The following PTPRB variants were observed in gnomAD, a reference collection of about 807,000 sequenced individuals.
PTPRB encodes the protein protein tyrosine phosphatase receptor type B.
A neutral mutation model predicts 238.1 loss-of-function variants in PTPRB; 97 were observed. The ratio of observed to expected loss-of-function variants is 0.41; its 90% confidence interval spans 0.35 to 0.48. The LOEUF is 0.48. PTPRB is among the 20% of genes least tolerant of loss of function. The probability of loss-of-function intolerance (pLI) is 0.30; values close to 1 mark genes in which losing one functional copy is unlikely to be tolerated. For missense variants in PTPRB, 2,292 were observed against 2,681.9 expected, an observed-to-expected ratio of 0.85 and a Z score of 3.21; for synonymous variants, 970 against 995.4, an observed-to-expected ratio of 0.97 and a Z score of 0.48.
chr12:70,534,360 C>G (rs1017689882), intron 31 of PTPRB, 128 bp downstream of exon 31: 1 of 1,004,098 alleles, frequency 1.0e-6, no homozygotes, highest in Admixed American at 2.7e-5. Flanking sequence ...CCTCTGGGGG[C>G]GAGGCAGGCT....
intron 21 of PTPRB, among the ~76,000 whole-genome samples, chr12:70,547,769 A>G (rs1876237225): frequency 6.6e-6 from 1 of 151,956 alleles, no homozygotes; most frequent in Non-Finnish European, 1.5e-5. Flanking sequence ...GGCCTCCCAA[A>G]GTGCTCGGAT....
chr12:70,539,342 C>G, intron 26 of PTPRB: 1 of 545,478 alleles, frequency 1.8e-6, no homozygotes. Flanking sequence ...GGCTGAATAT[C>G]TGACAGCTTT....
chr12:70,524,089 C>T (rs1488881790), intron 33 of PTPRB, among the ~76,000 whole-genome samples: 4 of 151,768 alleles, frequency 2.6e-5, no homozygotes, highest in South Asian at 4.2e-4. Context: ...TGAGCCACTG[C>T]ACTCAGCTAG....
intron 15 of PTPRB, 105 bp downstream of exon 15, chr12:70,566,324 AAGAGAT>A (rs1879292316): frequency 7.5e-7 from 1 of 1,336,410 alleles, no homozygotes; most frequent in African/African-American, 1.5e-5. Context: ...CCAGCGTATC[AAGAGAT>A]AGATATCATC....
chr12:70,606,799 G>A (rs138940846), intron 4 of PTPRB, among the ~76,000 whole-genome samples: 5 of 152,094 alleles, frequency 3.3e-5, no homozygotes, highest in East Asian at 1.9e-4. Context: ...AATAACAACC[G>A]ACTAAAAAAT....
chr12:70,528,762 C>T (rs1320468151), intron 32 of PTPRB, among the ~76,000 whole-genome samples: 7 of 152,160 alleles, frequency 4.6e-5, no homozygotes, highest in Admixed American at 4.6e-4. Flanking sequence ...AGTTTGAGTC[C>T]AGTCTGGGCA....
rs1030148410 is a variant in PTPRB at position 70,516,394 on chromosome 12, A to G, written c.*5095T>C. Reference sequence around the variant, plus strand: ...TGTTCTTGAGGAATTTATAAGCCCAATAGTCCTGCATAGAAAACCAGAAAT... The same window carrying G: ...TGTTCTTGAGGAATTTATAAGCCCAGTAGTCCTGCATAGAAAACCAGAAAT... On this transcript the variant is annotated 3_prime_UTR_variant, in exon 34 of 34. Transcript: ENST00000334414. 6.6e-6 allele frequency: 1 copy of G among 152,220 alleles called. No homozygotes were observed. The highest frequency in any genetic ancestry group is 2.4e-5 in the African/African-American group (1 of 41,466). The allele number at this position is 152,220 out of a possible 1,614,324, so 9.4% of individuals were successfully genotyped here. A position where few individuals can be genotyped will look rare whatever the true frequency, so the allele number is the denominator to read the frequency against.
intron 3 of PTPRB, among the ~76,000 whole-genome samples, chr12:70,611,949 G>T (rs1884473944): frequency 6.6e-6 from 1 of 152,142 alleles, no homozygotes; most frequent in Non-Finnish European, 1.5e-5. Flanking sequence ...CTTCTTACAG[G>T]CTCTGGCTGC....
chr12:70,537,869 C>T (rs530581760), intron 28 of PTPRB, among the ~76,000 whole-genome samples: 155 of 152,314 alleles, frequency 1.0e-3, no homozygotes, highest in Non-Finnish European at 1.8e-3. Context: ...GGAGGTCCAT[C>T]TTCCTTAGGA....
At chr12:70,549,444 T>C in intron 21 of PTPRB, among the ~76,000 whole-genome samples, 1 of 152,194 alleles carries the variant, frequency 6.6e-6, no homozygotes, top group East Asian at 1.9e-4. Flanking sequence ...TCTCTTTCCA[T>C]ATGGAACAAT....
chr12:70,548,755 G>C (rs149345740), intron 21 of PTPRB, among the ~76,000 whole-genome samples: 4 of 152,006 alleles, frequency 2.6e-5, no homozygotes, highest in African/African-American at 7.3e-5. Flanking sequence ...GTCCTCTCTC[G>C]TCCTATCATC....
rs373739299 is a variant in PTPRB at position 70,586,967 on chromosome 12, A to G, written c.2311+40T>C. ...TGCATGTTAAATAGTAATTCAGCAG[A>G]CAGAACACTTTAAAATGTAAAATTT... is the stretch of plus-strand genomic sequence containing the variant. On this transcript the variant is annotated intron_variant, in intron 9 of 33. Transcript: ENST00000334414. 56 of 1,568,912 alleles carry G rather than the reference A, an allele frequency of 3.6e-5. No individual in the cohort carries two copies. In the African/African-American group the frequency reaches 6.0e-4, roughly 17 times the overall value.
At position 70,544,580 on chromosome 12, in the gene PTPRB, G is replaced by GA. The variant is rs1875676759; in HGVS notation, c.5470dup (p.Ser1824PhefsTer7). On this transcript the variant is annotated frameshift_variant, in exon 22 of 34. Coordinates refer to ENST00000334414, the MANE Select transcript of PTPRB (RefSeq NM_001109754.4). LOFTEE classifies it high-confidence loss of function. ...ACCTGATTCAGTAGTGATGGGTAAA[G>GA]AAAAAAATGTGTCTGAATAGAGTGG... 1 of 1,611,434 alleles carries GA rather than the reference G, an allele frequency of 6.2e-7. No homozygotes were observed. Among genetic ancestry groups the GA allele is most frequent in the Non-Finnish European group, 8.5e-7 (1 of 1,178,774 alleles).
rs945661205 is a variant in PTPRB at position 70,534,604 on chromosome 12, C to A, written c.6252G>T (p.Thr2084=). The A allele has an allele frequency of 1.2e-6, 2 of 1,612,884 alleles. No individual in the cohort carries two copies. Among genetic ancestry groups the A allele is most frequent in the Non-Finnish European group, 1.7e-6 (2 of 1,179,548 alleles). The stretch of plus-strand genomic sequence containing the variant: ...CTGGGACTCCATGGTCTGGCCACAC[C>A]GTATAGTGAAAGTGGCGGATGAGTC... ...AHRLIRHFHY[T]VWPDHGVPET... is the part of the protein sequence containing the mutation. The change falls in exon 31 of 34, where the codon ACG becomes ACT. Residue 2084 remains threonine (T), a synonymous_variant. Coordinates refer to ENST00000334414, the MANE Select transcript of PTPRB (RefSeq NM_001109754.4).
intron 2 of PTPRB, among the ~76,000 whole-genome samples, chr12:70,625,106 C>T (rs541905914): frequency 2.4e-4 from 36 of 151,262 alleles, no homozygotes; most frequent in South Asian, 4.1e-4. Context: ...CATTTTAGAC[C>T]ACCACCTTTT....
chr12:70,618,770 A>G (rs906224974), intron 3 of PTPRB, among the ~76,000 whole-genome samples: 1 of 152,252 alleles, frequency 6.6e-6, no homozygotes, highest in African/African-American at 2.4e-5. Context: ...AAAAGTGACA[A>G]TAACAACAAT....
rs2136354409 is a variant in PTPRB, at chr12:70,566,607, A to G, written c.3732T>C (p.Tyr1244=). The change falls in exon 15 of 34, where the codon TAT becomes TAC. Residue 1244 remains tyrosine (Y), a synonymous_variant. Coordinates refer to ENST00000334414, the MANE Select transcript of PTPRB (RefSeq NM_001109754.4). Reference sequence around the variant, plus strand: ...CATTTTCAGTTAGAAGCAGGATATCATATCTTTCTGCCACACCAGCAGCTT... The same window carrying G: ...CATTTTCAGTTAGAAGCAGGATATCGTATCTTTCTGCCACACCAGCAGCTT... ...WQKAAGVAER[Y]DILLLTENGI... The G allele has an allele frequency of 6.2e-7, 1 of 1,614,052 alleles. No individual in the cohort carries two copies. The highest frequency in any genetic ancestry group is 8.5e-7 in the Non-Finnish European group (1 of 1,179,898).
chr12:70,629,004 T>C (rs1885325391), intron 2 of PTPRB, among the ~76,000 whole-genome samples: 1 of 152,198 alleles, frequency 6.6e-6, no homozygotes, highest in Non-Finnish European at 1.5e-5. Context: ...TTATTCCTTT[T>C]TCCTTTACTG....
intron 6 of PTPRB, 118 bp from the exon 7 acceptor site, chr12:70,592,663 A>C: frequency 9.0e-7 from 1 of 1,107,968 alleles, no homozygotes; most frequent in Non-Finnish European, 1.3e-6. Context: ...GGAGAAAACA[A>C]GCACTTCAAG....
Sources: allele counts gnomAD v4.1 joint callset (sites outside exome capture counted in the v4.1 genomes callset), GRCh38; gene constraint gnomAD v4.1.1; transcripts MANE v1.5; gene names NCBI Gene and HGNC (gene_info 2026-07-23, HGNC 2026-07-21).